The following LHFPL3 variants were observed in gnomAD, a reference collection of about 807,000 sequenced individuals.
The protein encoded by LHFPL3 is LHFPL tetraspan subfamily member 3 protein.
LHFPL3 carries 5 observed loss-of-function variants against 19.3 expected under a neutral mutation model. The observed-to-expected ratio is 0.26, with a 90% CI of 0.14 to 0.54. The LOEUF is 0.54. Among genes scored for constraint, LHFPL3 ranks in the 20% least tolerant of loss-of-function variants. LHFPL3 has a pLI of 0.94. For missense variants in LHFPL3, 249 were observed against 307.4 expected, an observed-to-expected ratio of 0.81 and a Z score of 1.42; for synonymous variants, 133 against 126.2, an observed-to-expected ratio of 1.05 and a Z score of -0.36.
intron 1 of LHFPL3, among the ~76,000 whole-genome samples, chr7:104,675,933 A>G (rs2116063954): frequency 6.6e-6 from 1 of 152,344 alleles, no homozygotes; most frequent in South Asian, 2.1e-4. Flanking sequence ...GCAGATCTAC[A>G]GATAGACATC....
chr7:104,421,553 G>A (rs1791733854), intron 1 of LHFPL3, among the ~76,000 whole-genome samples: 1 of 152,198 alleles, frequency 6.6e-6, no homozygotes, highest in Non-Finnish European at 1.5e-5. Flanking sequence ...TCTTGAACTG[G>A]AGGAAATGAA....
chr7:104,493,390 T>G (rs969971562), intron 1 of LHFPL3, among the ~76,000 whole-genome samples: 1 of 151,894 alleles, frequency 6.6e-6, no homozygotes, highest in Non-Finnish European at 1.5e-5. Context: ...TCATCTAGTA[T>G]CAGAGTTTCA....
intron 1 of LHFPL3, among the ~76,000 whole-genome samples, chr7:104,559,038 T>C (rs1178087153): frequency 2.0e-5 from 3 of 148,298 alleles, no homozygotes; most frequent in Non-Finnish European, 4.5e-5. Flanking sequence ...CATTGATCTA[T>C]ATCTCTGTTT....
intron 1 of LHFPL3, among the ~76,000 whole-genome samples, chr7:104,442,426 A>G (rs6960997): frequency 0.067 from 10,254 of 152,250 alleles, 1,058 homozygotes; most frequent in African/African-American, 0.22. Flanking sequence ...GGAATGACAT[A>G]TTATCTGTTT....
At chr7:104,787,728 G>A (rs1457140812) in intron 2 of LHFPL3, among the ~76,000 whole-genome samples, 1 of 152,112 alleles carries the variant, frequency 6.6e-6, no homozygotes, top group Non-Finnish European at 1.5e-5. Context: ...TTTTGTGTGT[G>A]TATGTGATAG....
chr7:104,657,605 T>C (rs1387065678), intron 1 of LHFPL3, among the ~76,000 whole-genome samples: 10 of 152,212 alleles, frequency 6.6e-5, no homozygotes, highest in African/African-American at 2.4e-4. Context: ...TGTAGCTAAT[T>C]ACTTTGCCAG....
At chr7:104,329,373 C>T (rs1801527311) in intron 1 of LHFPL3, 149 bp downstream of exon 1, 5 of 1,059,582 alleles carry the variant, frequency 4.7e-6, no homozygotes, top group Middle Eastern at 6.4e-4. Flanking sequence ...GGGCGGGAGC[C>T]CAGCGAGGCC....
chr7:104,608,544 C>T (rs2115736348), intron 1 of LHFPL3, among the ~76,000 whole-genome samples: 2 of 150,248 alleles, frequency 1.3e-5, no homozygotes, highest in African/African-American at 2.4e-5. Flanking sequence ...ATACCTAATG[C>T]TAAATGACGA....
At chr7:104,762,129 G>A (rs202211963) in intron 2 of LHFPL3, among the ~76,000 whole-genome samples, 5 of 152,094 alleles carry the variant, frequency 3.3e-5, no homozygotes, top group Non-Finnish European at 2.9e-5. Flanking sequence ...ACTCTGTTTC[G>A]TGTCTAAAAA....
chr7:104,620,039 C>T (rs1166597706), intron 1 of LHFPL3, among the ~76,000 whole-genome samples: 1 of 152,182 alleles, frequency 6.6e-6, no homozygotes, highest in Admixed American at 6.5e-5. Context: ...GAGCTTAGGC[C>T]ATAATGCTCA....
chr7:104,430,386 A>T (rs868104362), intron 1 of LHFPL3, among the ~76,000 whole-genome samples: 1 of 41,970 alleles, frequency 2.4e-5, no homozygotes, highest in Non-Finnish European at 3.9e-5. Context: ...ATATATACAT[A>T]TATATATATA....
At chr7:104,760,053 A>G (rs562037493) in intron 2 of LHFPL3, among the ~76,000 whole-genome samples, 2 of 152,260 alleles carry the variant, frequency 1.3e-5, no homozygotes, top group East Asian at 3.9e-4. Flanking sequence ...GCTTACTATT[A>G]AAGTACTTGT....
chr7:104,365,155 C>G (rs1328168398), intron 1 of LHFPL3, among the ~76,000 whole-genome samples: 1 of 151,998 alleles, frequency 6.6e-6, no homozygotes, highest in Non-Finnish European at 1.5e-5. Context: ...CAAAATTAGC[C>G]GGGCGTGGTA....
intron 1 of LHFPL3, among the ~76,000 whole-genome samples, chr7:104,409,336 GTGTGTC>G (rs1400221978): frequency 1.3e-5 from 2 of 149,044 alleles, no homozygotes; most frequent in East Asian, 3.9e-4. Context: ...GTGTGTGTGT[GTGTGTC>G]TGTGTGAAAG....
At chr7:104,632,721 T>C (rs1484481207) in intron 1 of LHFPL3, among the ~76,000 whole-genome samples, 1 of 152,186 alleles carries the variant, frequency 6.6e-6, no homozygotes, top group African/African-American at 2.4e-5. Flanking sequence ...AGTGGCAAGA[T>C]TTGCAGCTTC....
At chr7:104,678,959 C>A (rs73181850) in intron 1 of LHFPL3, among the ~76,000 whole-genome samples, 5,683 of 152,272 alleles carry the variant, frequency 0.037, 126 homozygotes, top group African/African-American at 0.046. Flanking sequence ...AAAAGAATAT[C>A]TTTCAAATTA....
chr7:104,543,316 G>T (rs1794523432), intron 1 of LHFPL3, among the ~76,000 whole-genome samples: 1 of 151,940 alleles, frequency 6.6e-6, no homozygotes, highest in African/African-American at 2.4e-5. Flanking sequence ...ACTGTTGGTG[G>T]GACTGTAAAC....
At chr7:104,437,957 A>T (rs533550175) in intron 1 of LHFPL3, among the ~76,000 whole-genome samples, 1 of 152,158 alleles carries the variant, frequency 6.6e-6, no homozygotes, top group Admixed American at 6.5e-5. Flanking sequence ...ACCTTTAATC[A>T]TGGTTTGGTC....
chr7:104,714,462 A>G (rs2116225155), intron 1 of LHFPL3, among the ~76,000 whole-genome samples: 1 of 152,272 alleles, frequency 6.6e-6, no homozygotes, highest in South Asian at 2.1e-4. Context: ...TGATGAGGAA[A>G]GGGAGCAAGA....
Sources: gnomAD v4.1 joint callset for allele counts (sites outside exome capture counted in the v4.1 genomes callset) on GRCh38, gnomAD v4.1.1 for gene constraint, MANE v1.5 for transcripts, NCBI Gene and HGNC (gene_info 2026-07-23, HGNC 2026-07-21) for gene names.